PTPRD: variants seen among roughly 807,000 people sequenced by gnomAD.
PTPRD encodes protein tyrosine phosphatase receptor type D.
Under a neutral mutation model 214.5 loss-of-function variants are expected in PTPRD, and 34 were observed. That is an observed-to-expected ratio of 0.16 (90% CI 0.12 to 0.21). PTPRD has a LOEUF of 0.21. Ranked by LOEUF, PTPRD falls within the 10% of genes least tolerant of loss-of-function variation. The pLI, the probability that PTPRD is intolerant of heterozygous loss-of-function variation, is 1.00. For synonymous variants in PTPRD, 1,128 were observed against 845.7 expected, an observed-to-expected ratio of 1.33 and a Z score of -5.79; for missense variants, 2,545 against 2,398.7, an observed-to-expected ratio of 1.06 and a Z score of -1.27.
chr9:9,655,381 C>T (rs1219932538), intron 7 of PTPRD, among the ~76,000 whole-genome samples: 1 of 151,840 alleles, frequency 6.6e-6, no homozygotes, highest in Non-Finnish European at 1.5e-5. Flanking sequence ...ACTATTCTGA[C>T]CAATATGGTG....
At chr9:10,265,418 T>A (rs1396040685) in intron 3 of PTPRD, among the ~76,000 whole-genome samples, 1 of 152,056 alleles carries the variant, frequency 6.6e-6, no homozygotes, top group African/African-American at 2.4e-5. Context: ...GCCACATGAG[T>A]GAGTCCAGGA....
At chr9:9,013,764 A>C (rs2099521725) in intron 11 of PTPRD, among the ~76,000 whole-genome samples, 1 of 152,142 alleles carries the variant, frequency 6.6e-6, no homozygotes. Context: ...GGATGTACCC[A>C]CTGTTTTTTC....
At chr9:10,004,968 C>A (rs1390196611) in intron 4 of PTPRD, among the ~76,000 whole-genome samples, 2 of 152,052 alleles carry the variant, frequency 1.3e-5, no homozygotes, top group Non-Finnish European at 2.9e-5. Context: ...CAAAAGTAGT[C>A]CAACTGTAAA....
intron 8 of PTPRD, chr9:9,441,976 A>T (rs928905566): frequency 2.6e-4 from 39 of 152,234 alleles, no homozygotes; most frequent in African/African-American, 9.2e-4. Flanking sequence ...ATATTTCAAG[A>T]TATATCTTAT....
intron 4 of PTPRD, among the ~76,000 whole-genome samples, chr9:9,964,946 T>G (rs1389161119): frequency 6.6e-6 from 1 of 152,190 alleles, no homozygotes; most frequent in Admixed American, 6.6e-5. Flanking sequence ...TTTCTTCTCT[T>G]ACTTGCAAGT....
At chr9:9,578,590 T>C (rs1233974174) in intron 7 of PTPRD, among the ~76,000 whole-genome samples, 1 of 152,138 alleles carries the variant, frequency 6.6e-6, no homozygotes, top group Non-Finnish European at 1.5e-5. Context: ...TGATTGGGAA[T>C]AATTTTAAAG....
At chr9:9,718,262 A>G (rs965344574) in intron 7 of PTPRD, among the ~76,000 whole-genome samples, 4 of 152,206 alleles carry the variant, frequency 2.6e-5, no homozygotes, top group Admixed American at 6.5e-5. Flanking sequence ...TTAAAGAAAA[A>G]TTCTATCATG....
chr9:9,628,125 G>T (rs563576642), intron 7 of PTPRD, among the ~76,000 whole-genome samples: 2 of 152,062 alleles, frequency 1.3e-5, no homozygotes, highest in Non-Finnish European at 2.9e-5. Context: ...TTAATCATTA[G>T]TCAACTCTCA....
intron 30 of PTPRD, among the ~76,000 whole-genome samples, chr9:8,473,664 TTGA>T (rs1358756954): frequency 5.9e-5 from 9 of 152,122 alleles, no homozygotes; most frequent in Non-Finnish European, 1.3e-4. Context: ...CTTTCATACT[TTGA>T]GTTGCCATTC....
chr9:10,564,207 G>A (rs1467076203), intron 2 of PTPRD, among the ~76,000 whole-genome samples: 2 of 43,908 alleles, frequency 4.6e-5, no homozygotes, highest in Admixed American at 3.4e-4. Flanking sequence ...AGACATAGGG[G>A]TTTCCCTGTT....
At chr9:9,928,039 G>A (rs930061061) in intron 5 of PTPRD, among the ~76,000 whole-genome samples, 3 of 152,072 alleles carry the variant, frequency 2.0e-5, no homozygotes, top group South Asian at 4.1e-4. Flanking sequence ...TCTGCTTCAT[G>A]TGAACAACGT....
intron 35 of PTPRD, among the ~76,000 whole-genome samples, chr9:8,416,728 G>C (rs1442398099): frequency 1.3e-5 from 2 of 152,182 alleles, no homozygotes; most frequent in East Asian, 3.9e-4. Flanking sequence ...GAAATAATCA[G>C]GTTAAATTAC....
chr9:10,065,661 T>C (rs1009439569), intron 3 of PTPRD, among the ~76,000 whole-genome samples: 5 of 151,884 alleles, frequency 3.3e-5, no homozygotes, highest in African/African-American at 1.2e-4. Flanking sequence ...ACCCTAAATA[T>C]CAACCAATAT....
intron 7 of PTPRD, among the ~76,000 whole-genome samples, chr9:9,680,120 C>G (rs2097033757): frequency 1.3e-5 from 2 of 151,828 alleles, no homozygotes; most frequent in South Asian, 4.1e-4. Flanking sequence ...AGTTATATGT[C>G]TCCTAATAGC....
chr9:9,008,933 G>A (rs1447675567), intron 11 of PTPRD, among the ~76,000 whole-genome samples: 3 of 152,062 alleles, frequency 2.0e-5, no homozygotes, highest in African/African-American at 7.2e-5. Context: ...TGAGCTTGTT[G>A]TAAAAACAAG....
intron 11 of PTPRD, among the ~76,000 whole-genome samples, chr9:8,915,272 CAG>C (rs1395473750): frequency 6.6e-6 from 1 of 152,072 alleles, no homozygotes; most frequent in Non-Finnish European, 1.5e-5. Flanking sequence ...CCACTAGCCA[CAG>C]AGAATAGTTT....
chr9:8,798,961 G>C (rs2096509228), intron 11 of PTPRD, among the ~76,000 whole-genome samples: 1 of 152,018 alleles, frequency 6.6e-6, no homozygotes, highest in South Asian at 2.1e-4. Context: ...CATAAGCCCA[G>C]CCTGCTTTCC....
intron 39 of PTPRD, among the ~76,000 whole-genome samples, chr9:8,359,120 AAACAAAAAAAAAAAAAAAC>A (rs1390904662): frequency 0.11 from 3,465 of 31,126 alleles, 898 homozygotes; most frequent in African/African-American, 0.25. Context: ...AAAAAAAAAA[AAACAAAAAAAAAAAAAAAC>A]AAAAAAAAAT....
rs556286886 is a variant in PTPRD at position 8,628,470 on chromosome 9, CA to C, written c.352+4846del. 2.2e-4 allele frequency among the ~76,000 whole-genome samples: 34 copies of C among 151,868 alleles called. No individual in the cohort carries two copies. The South Asian group carries it at 6.6e-3, about 30-fold the overall frequency. On this transcript the variant is annotated intron_variant, in intron 14 of 45. Coordinates refer to ENST00000381196, the MANE Select transcript of PTPRD (RefSeq NM_002839.4). ...ACTGTGTGTTTTACTATCTCAGTAACAGTCACCTTCAGGGAGCAAATTTTTT... is the reference window on the plus strand; with the variant it reads ...ACTGTGTGTTTTACTATCTCAGTAACGTCACCTTCAGGGAGCAAATTTTTT...
Sources: gnomAD v4.1 joint callset for allele counts (sites outside exome capture counted in the v4.1 genomes callset) on GRCh38, gnomAD v4.1.1 for gene constraint, MANE v1.5 for transcripts, NCBI Gene and HGNC (gene_info 2026-07-23, HGNC 2026-07-21) for gene names.